The following ZNF804B variants were observed in gnomAD, a reference collection of about 807,000 sequenced individuals.
ZNF804B encodes zinc finger 804B.
In ZNF804B, 80 loss-of-function variants were observed where a neutral mutation model predicts 101.4. That is an observed-to-expected ratio of 0.79 (90% CI 0.66 to 0.95). The LOEUF is 0.95. ZNF804B is among the 40% of genes least tolerant of loss of function. The pLI is 0.00. For synonymous variants in ZNF804B, 622 were observed against 558.8 expected (o/e 1.11, Z -1.59); for missense variants, 1,673 against 1,561.9 (o/e 1.07, Z -1.20).
In ZNF804B at chr7:89,269,704, T is replaced by A. The variant is rs571422751; in HGVS notation, c.249+51409T>A. 5.3e-4 allele frequency among the ~76,000 whole-genome samples: 80 copies of A among 152,290 alleles called. No homozygotes were observed. In the East Asian group the frequency reaches 0.011, roughly 21 times the overall value. On this transcript the variant is annotated intron_variant, in intron 2 of 3. Coordinates refer to ENST00000333190, the MANE Select transcript of ZNF804B (RefSeq NM_181646.5). The stretch of plus-strand genomic sequence containing the variant: ...AATAGTGTAAAAGTGTTCCTATTTC[T>A]CCACATCCTCTCCAGCACCTGTTGT...
At chr7:88,841,993 C>G (rs1791298909) in intron 1 of ZNF804B, among the ~76,000 whole-genome samples, 1 of 152,162 alleles carries the variant, frequency 6.6e-6, no homozygotes. Context: ...AGATATTTCA[C>G]TGATTGAGAT....
chr7:88,771,173 G>T (rs1373845010), intron 1 of ZNF804B, among the ~76,000 whole-genome samples: 1 of 151,944 alleles, frequency 6.6e-6, no homozygotes, highest in Non-Finnish European at 1.5e-5. Context: ...ATATTTTAAG[G>T]CTTTCTCTTT....
intron 1 of ZNF804B, among the ~76,000 whole-genome samples, chr7:89,092,518 T>G (rs1789909280): frequency 6.8e-6 from 1 of 147,096 alleles, no homozygotes; most frequent in South Asian, 2.2e-4. Context: ...GTTCAAGTGA[T>G]TCTCCTGCCT....
chr7:89,203,842 T>G (rs1380275416), intron 1 of ZNF804B, among the ~76,000 whole-genome samples: 2 of 152,198 alleles, frequency 1.3e-5, no homozygotes, highest in Non-Finnish European at 2.9e-5. Context: ...TTATACTATT[T>G]TAATATGTCA....
intron 1 of ZNF804B, among the ~76,000 whole-genome samples, chr7:89,038,987 T>C (rs1562867692): frequency 2.0e-5 from 3 of 152,098 alleles, no homozygotes; most frequent in African/African-American, 7.2e-5. Flanking sequence ...GACTTATTTT[T>C]AGGCTCTTTA....
chr7:89,175,798 G>A (rs529715477), intron 1 of ZNF804B, among the ~76,000 whole-genome samples: 55 of 151,922 alleles, frequency 3.6e-4, no homozygotes, highest in African/African-American at 1.2e-3. Context: ...TTGGTTAAAT[G>A]TATTCCTAGG....
intron 2 of ZNF804B, among the ~76,000 whole-genome samples, chr7:89,289,200 A>C (rs1790250613): frequency 6.6e-6 from 1 of 152,304 alleles, no homozygotes; most frequent in South Asian, 2.1e-4. Context: ...GAAATTTTAA[A>C]TATTAGCAAA....
At chr7:88,820,425 A>C (rs191409487) in intron 1 of ZNF804B, among the ~76,000 whole-genome samples, 6 of 152,238 alleles carry the variant, frequency 3.9e-5, no homozygotes, top group African/African-American at 1.2e-4. Context: ...CACAGGCAGC[A>C]GGAGAGGCAA....
At chr7:88,877,464 A>G (rs1334699003) in intron 1 of ZNF804B, among the ~76,000 whole-genome samples, 1 of 152,100 alleles carries the variant, frequency 6.6e-6, no homozygotes, top group East Asian at 1.9e-4. Flanking sequence ...AAGGTATTAT[A>G]ATTTGAATTC....
At chr7:88,845,895 T>A (rs887306139) in intron 1 of ZNF804B, among the ~76,000 whole-genome samples, 5 of 152,108 alleles carry the variant, frequency 3.3e-5, no homozygotes, top group African/African-American at 1.2e-4. Context: ...AAATATTTGT[T>A]TAATGGATAA....
At chr7:88,814,599 A>G (rs1413325281) in intron 1 of ZNF804B, among the ~76,000 whole-genome samples, 1 of 152,162 alleles carries the variant, frequency 6.6e-6, no homozygotes, top group Non-Finnish European at 1.5e-5. Context: ...TTTCATGTAA[A>G]GACAATTTGG....
At chr7:89,111,898 G>T (rs967319664) in intron 1 of ZNF804B, among the ~76,000 whole-genome samples, 3 of 152,034 alleles carry the variant, frequency 2.0e-5, no homozygotes, top group African/African-American at 7.2e-5. Context: ...GAAGTCAGGA[G>T]TTTGACACCA....
At chr7:88,931,584 T>C (rs78883483) in intron 1 of ZNF804B, among the ~76,000 whole-genome samples, 7 of 152,036 alleles carry the variant, frequency 4.6e-5, no homozygotes, top group African/African-American at 1.7e-4. Context: ...CATATCTCCT[T>C]AGTGTAATCT....
chr7:88,897,133 C>T (rs185975817), intron 1 of ZNF804B, among the ~76,000 whole-genome samples: 10 of 152,288 alleles, frequency 6.6e-5, no homozygotes, highest in Admixed American at 6.5e-4. Context: ...CATTAACCCC[C>T]AGAACCTGTG....
chr7:89,033,109 AC>A (rs1278139099), intron 1 of ZNF804B, among the ~76,000 whole-genome samples: 2 of 148,676 alleles, frequency 1.3e-5, no homozygotes, highest in East Asian at 4.0e-4. Context: ...TCTTTCCATC[AC>A]CCCCCACCAC....
chr7:89,076,981 G>A (rs369026112), intron 1 of ZNF804B, among the ~76,000 whole-genome samples: 38 of 152,072 alleles, frequency 2.5e-4, no homozygotes, highest in Admixed American at 8.5e-4. Flanking sequence ...TGAGAATGGC[G>A]CTGTCTAATG....
intron 2 of ZNF804B, among the ~76,000 whole-genome samples, chr7:89,307,990 A>G (rs1790591403): frequency 6.6e-6 from 1 of 152,104 alleles, no homozygotes; most frequent in Non-Finnish European, 1.5e-5. Context: ...ATAGTTTCCC[A>G]AATGTGCTTA....
At chr7:89,105,446 A>C (rs1208760628) in intron 1 of ZNF804B, among the ~76,000 whole-genome samples, 1 of 152,030 alleles carries the variant, frequency 6.6e-6, no homozygotes, top group Non-Finnish European at 1.5e-5. Context: ...GGGTGACCAC[A>C]TGGCCACCCA....
At chr7:89,269,398 C>A (rs932038006) in intron 2 of ZNF804B, among the ~76,000 whole-genome samples, 3 of 151,992 alleles carry the variant, frequency 2.0e-5, no homozygotes, top group South Asian at 2.1e-4. Flanking sequence ...TGAACTCATC[C>A]TTTTTTATGG....
Sources: allele counts gnomAD v4.1 joint callset (sites outside exome capture counted in the v4.1 genomes callset), GRCh38; gene constraint gnomAD v4.1.1; transcripts MANE v1.5; gene names NCBI Gene and HGNC (gene_info 2026-07-23, HGNC 2026-07-21).